The following PRKN variants were observed in gnomAD, a reference collection of about 807,000 sequenced individuals.
The protein encoded by PRKN is parkin RBR E3 ubiquitin protein ligase, also known as E3 ubiquitin-protein ligase parkin.
A neutral mutation model predicts 59.5 loss-of-function variants in PRKN; 56 were observed. That is an observed-to-expected ratio of 0.94 (90% CI 0.76 to 1.18). PRKN has a LOEUF of 1.18. Ranked by LOEUF, PRKN falls within the 50% of genes most tolerant of loss-of-function variation. The pLI is 0.00. For missense variants in PRKN, 657 were observed against 596.4 expected (o/e 1.10, Z -1.06); for synonymous variants, 250 against 222.1 (o/e 1.13, Z -1.12).
chr6:161,607,005 T>A (rs1004317335), intron 7 of PRKN, among the ~76,000 whole-genome samples: 36 of 152,198 alleles, frequency 2.4e-4, no homozygotes, highest in African/African-American at 8.7e-4. Flanking sequence ...CATGGATGAC[T>A]GCATGTTGAT....
At chr6:162,211,277 TCAGTGCTAA>T (rs1346062349) in intron 3 of PRKN, among the ~76,000 whole-genome samples, 3 of 152,166 alleles carry the variant, frequency 2.0e-5, no homozygotes, top group African/African-American at 7.2e-5. Flanking sequence ...CCTCATGCAA[TCAGTGCTAA>T]CAGTTTCATG....
chr6:162,655,039 A>G (rs1022805740), intron 1 of PRKN, among the ~76,000 whole-genome samples: 1 of 152,190 alleles, frequency 6.6e-6, no homozygotes, highest in African/African-American at 2.4e-5. Flanking sequence ...GCATAGTTAT[A>G]CCAATGTCAA....
intron 3 of PRKN, among the ~76,000 whole-genome samples, chr6:162,231,693 T>C (rs550296881): frequency 4.8e-4 from 73 of 152,332 alleles, no homozygotes; most frequent in African/African-American, 1.7e-3. Flanking sequence ...TTCAATAGGT[T>C]AATACCGAAT....
intron 4 of PRKN, among the ~76,000 whole-genome samples, chr6:162,090,479 G>A (rs1320988531): frequency 6.6e-6 from 1 of 152,128 alleles, no homozygotes; most frequent in Non-Finnish European, 1.5e-5. Context: ...CACTGGTTCT[G>A]CTTACATTTC....
chr6:162,712,529 G>A (rs559594335), intron 1 of PRKN, among the ~76,000 whole-genome samples: 5 of 152,144 alleles, frequency 3.3e-5, no homozygotes, highest in Non-Finnish European at 5.9e-5. Context: ...ATATCATGAC[G>A]CTTATACAAC....
At chr6:161,622,162 C>T (rs569980445) in intron 7 of PRKN, among the ~76,000 whole-genome samples, 1 of 152,234 alleles carries the variant, frequency 6.6e-6, no homozygotes, top group Admixed American at 6.5e-5. Flanking sequence ...AGATGGGGGG[C>T]TGCCCTCTAT....
chr6:162,702,390 A>T (rs954664590), intron 1 of PRKN, among the ~76,000 whole-genome samples: 4 of 152,166 alleles, frequency 2.6e-5, no homozygotes, highest in Admixed American at 2.6e-4. Context: ...TTTAAACTCT[A>T]ATTAACAGCT....
chr6:161,533,362 C>A lies in PRKN; in HGVS notation c.1083+15492G>T, dbSNP rs1458611171. The stretch of plus-strand genomic sequence containing the variant: ...AATCATTTTCTTTTCCAACAAAGAG[C>A]AGCCTGTAAAATCGACCTGCAGACA... On this transcript the variant is annotated intron_variant, in intron 9 of 11. Coordinates refer to ENST00000366898, the MANE Select transcript of PRKN (RefSeq NM_004562.3). This position sits in a 1 kb window ranked among gnomAD's most constrained non-coding sequence, Gnocchi z 4.1. 2.0e-5 allele frequency among the ~76,000 whole-genome samples: 3 copies of A among 152,110 alleles called. No homozygotes were observed. Among genetic ancestry groups the A allele is most frequent in the South Asian group, 4.1e-4 (2 of 4,820 alleles).
At chr6:162,610,633 A>T (rs1292347588) in intron 1 of PRKN, among the ~76,000 whole-genome samples, 1 of 151,434 alleles carries the variant, frequency 6.6e-6, no homozygotes, top group Non-Finnish European at 1.5e-5. Context: ...TGCCCTCACA[A>T]AAAGCTTTCT....
intron 3 of PRKN, among the ~76,000 whole-genome samples, chr6:162,232,144 C>T (rs755704695): frequency 2.6e-5 from 4 of 152,184 alleles, no homozygotes; most frequent in African/African-American, 9.6e-5. Flanking sequence ...TTATGCGAAA[C>T]GAGGGGTATG....
intron 9 of PRKN, among the ~76,000 whole-genome samples, chr6:161,474,863 A>C (rs1790989086): frequency 6.8e-6 from 1 of 146,130 alleles, no homozygotes; most frequent in African/African-American, 2.6e-5. Context: ...CAGACTCCCA[A>C]AGTGCTGAGA....
intron 7 of PRKN, among the ~76,000 whole-genome samples, chr6:161,699,144 A>C (rs2128178325): frequency 6.6e-6 from 1 of 152,290 alleles, no homozygotes; most frequent in South Asian, 2.1e-4. Flanking sequence ...CAACATCGTT[A>C]GTCATTAAGA....
At chr6:162,011,964 C>G (rs545925802) in intron 5 of PRKN, among the ~76,000 whole-genome samples, 1 of 151,970 alleles carries the variant, frequency 6.6e-6, no homozygotes, top group African/African-American at 2.4e-5. Context: ...AGATAGCTAG[C>G]TAGCTAGAGG....
intron 6 of PRKN, among the ~76,000 whole-genome samples, chr6:161,964,914 C>T (rs901581933): frequency 2.6e-5 from 4 of 152,030 alleles, no homozygotes; most frequent in Admixed American, 1.3e-4. Context: ...AGAACTTACA[C>T]AGTAATTCTA....
chr6:161,875,203 A>ATTT (rs1433123448), intron 6 of PRKN, among the ~76,000 whole-genome samples: 9 of 144,344 alleles, frequency 6.2e-5, no homozygotes, highest in African/African-American at 2.4e-4. Context: ...ATATGTATAC[A>ATTT]TTTTTTTCTG....
intron 5 of PRKN, among the ~76,000 whole-genome samples, chr6:162,031,313 A>G (rs1783628839): frequency 6.6e-6 from 1 of 152,000 alleles, no homozygotes; most frequent in African/African-American, 2.4e-5. Context: ...TGTTTGAAAT[A>G]ATTGCCCAGA....
chr6:162,057,860 T>C (rs1293516030), intron 4 of PRKN, among the ~76,000 whole-genome samples: 2 of 152,232 alleles, frequency 1.3e-5, no homozygotes, highest in Admixed American at 6.5e-5. Flanking sequence ...TTCATACTAA[T>C]AGTGTGAGTA....
intron 3 of PRKN, among the ~76,000 whole-genome samples, chr6:162,253,740 A>T (rs1470554431): frequency 6.6e-6 from 1 of 152,038 alleles, no homozygotes; most frequent in Non-Finnish European, 1.5e-5. Flanking sequence ...GAAGTAAAAA[A>T]ATATTAAATG....
intron 4 of PRKN, among the ~76,000 whole-genome samples, chr6:162,140,899 C>A (rs772577698): frequency 6.6e-6 from 1 of 152,058 alleles, no homozygotes; most frequent in African/African-American, 2.4e-5. Context: ...GAGGCCGAGG[C>A]GGGCAGATCA....
Sources: gnomAD v4.1 joint callset for allele counts (sites outside exome capture counted in the v4.1 genomes callset) on GRCh38, gnomAD v4.1.1 for gene constraint, Gnocchi (gnomAD v3.1) non-coding constraint, MANE v1.5 for transcripts, NCBI Gene and HGNC (gene_info 2026-07-23, HGNC 2026-07-21) for gene names.